Variants in TRAPPC9 observed in about 807,000 individuals in gnomAD.
TRAPPC9 encodes the protein IKK2 binding protein.
Under a neutral mutation model 124.0 loss-of-function variants are expected in TRAPPC9, and 83 were observed. The ratio of observed to expected loss-of-function variants is 0.67; its 90% CI spans 0.56 to 0.80. The LOEUF is 0.80. Ranked by LOEUF, TRAPPC9 falls within the 30% of genes least tolerant of loss-of-function variation. TRAPPC9 has a pLI of 0.00. For missense variants in TRAPPC9, 1,302 were observed against 1,508.3 expected, an observed-to-expected ratio of 0.86 and a Z score of 2.27; for synonymous variants, 638 against 617.5, an observed-to-expected ratio of 1.03 and a Z score of -0.49.
At chr8:140,351,870 G>C (rs541536240) in intron 9 of TRAPPC9, among the ~76,000 whole-genome samples, 24 of 152,146 alleles carry the variant, frequency 1.6e-4, no homozygotes, top group Non-Finnish European at 2.9e-4. Flanking sequence ...TTTTGTAACA[G>C]CTTTGTTGAG....
At chr8:140,359,490 G>T (rs1412105101) in intron 9 of TRAPPC9, among the ~76,000 whole-genome samples, 1 of 152,220 alleles carries the variant, frequency 6.6e-6, no homozygotes, top group Non-Finnish European at 1.5e-5. Flanking sequence ...AACAGGGGCA[G>T]AAACACCGCG....
chr8:140,217,222 C>T (rs537351929), intron 17 of TRAPPC9, among the ~76,000 whole-genome samples: 22 of 152,338 alleles, frequency 1.4e-4, no homozygotes, highest in Admixed American at 1.4e-3. Flanking sequence ...GGGAGAGCGC[C>T]ACATCTGGTC....
chr8:139,786,861 A>G (rs895695710), intron 21 of TRAPPC9, among the ~76,000 whole-genome samples: 7 of 152,152 alleles, frequency 4.6e-5, no homozygotes, highest in African/African-American at 1.7e-4. Flanking sequence ...AGTGACAGAA[A>G]ACGGGTCAGT....
chr8:139,800,609 G>A (rs1823428667), intron 21 of TRAPPC9, among the ~76,000 whole-genome samples: 1 of 152,322 alleles, frequency 6.6e-6, no homozygotes, highest in African/African-American at 2.4e-5. Context: ...GCCCCAGAAG[G>A]CAGGTTTTTC....
At chr8:140,027,916 C>T (rs1840255342) in intron 17 of TRAPPC9, among the ~76,000 whole-genome samples, 1 of 152,190 alleles carries the variant, frequency 6.6e-6, no homozygotes, top group East Asian at 1.9e-4. Context: ...GGACACCACC[C>T]CCATGATCCA....
chr8:139,970,284 C>T (rs989695971), intron 19 of TRAPPC9, among the ~76,000 whole-genome samples: 14 of 152,238 alleles, frequency 9.2e-5, no homozygotes, highest in Admixed American at 2.0e-4. Context: ...CAGCCCTCTG[C>T]TGGGAACTGC....
intron 17 of TRAPPC9, among the ~76,000 whole-genome samples, chr8:140,076,907 T>G (rs1259528748): frequency 1.3e-5 from 2 of 152,212 alleles, no homozygotes; most frequent in African/African-American, 4.8e-5. Context: ...AGTTCACATC[T>G]GTAATCCCAG....
chr8:139,802,258 C>T (rs1402534030), intron 21 of TRAPPC9, among the ~76,000 whole-genome samples: 2 of 152,188 alleles, frequency 1.3e-5, no homozygotes, highest in Admixed American at 6.5e-5. Context: ...CAGGAGAGAC[C>T]AGCAAGAAAA....
chr8:140,106,727 A>G (rs1416285014), intron 17 of TRAPPC9, among the ~76,000 whole-genome samples: 1 of 152,160 alleles, frequency 6.6e-6, no homozygotes, highest in Admixed American at 6.5e-5. Flanking sequence ...TCTTCCCACG[A>G]AAAAAAGAGG....
intron 17 of TRAPPC9, among the ~76,000 whole-genome samples, chr8:140,144,476 ATTCATTC>A (rs1439605119): frequency 6.9e-6 from 1 of 144,734 alleles, no homozygotes; most frequent in Non-Finnish European, 1.6e-5. Context: ...TCATTCATTC[ATTCATTC>A]ATTCATTCAT....
At chr8:140,056,889 G>C (rs1416421223) in intron 17 of TRAPPC9, among the ~76,000 whole-genome samples, 1 of 152,048 alleles carries the variant, frequency 6.6e-6, no homozygotes, top group South Asian at 2.1e-4. Flanking sequence ...TACAAAATGG[G>C]AGAAAATATT....
chr8:139,992,909 AGAAT>A (rs1213607258), intron 18 of TRAPPC9, among the ~76,000 whole-genome samples: 1 of 152,168 alleles, frequency 6.6e-6, no homozygotes, highest in Non-Finnish European at 1.5e-5. Context: ...AATTCCAAAC[AGAAT>A]GAATAGCTAA....
At chr8:140,235,855 A>T (rs181199152) in intron 16 of TRAPPC9, among the ~76,000 whole-genome samples, 10 of 152,350 alleles carry the variant, frequency 6.6e-5, no homozygotes, top group Non-Finnish European at 1.0e-4. Flanking sequence ...GTTCATCACA[A>T]GTATAATGAA....
At chr8:139,772,881 G>A (rs1314348531) in intron 21 of TRAPPC9, among the ~76,000 whole-genome samples, 2 of 152,248 alleles carry the variant, frequency 1.3e-5, no homozygotes, top group African/African-American at 4.8e-5. Context: ...GAAGAAGGCA[G>A]CCGTCTACAG....
chr8:140,135,058 G>A (rs1323881871), intron 17 of TRAPPC9, among the ~76,000 whole-genome samples: 1 of 152,140 alleles, frequency 6.6e-6, no homozygotes, highest in Non-Finnish European at 1.5e-5. Context: ...ATAAGCACAT[G>A]AAAAAATACT....
At chr8:140,046,434 C>T (rs1370017823) in intron 17 of TRAPPC9, among the ~76,000 whole-genome samples, 2 of 152,244 alleles carry the variant, frequency 1.3e-5, no homozygotes, top group South Asian at 2.1e-4. Flanking sequence ...TCCCCACAGC[C>T]GCCGACTCCC....
intron 7 of TRAPPC9, among the ~76,000 whole-genome samples, chr8:140,381,667 C>CAA (rs56659960): frequency 0.27 from 13,085 of 47,776 alleles, 2,925 homozygotes; most frequent in Non-Finnish European, 0.3. Context: ...GACTCTGTCT[C>CAA]AAAAAAAAAA....
chr8:140,062,748 C>T (rs1462383548), intron 17 of TRAPPC9, among the ~76,000 whole-genome samples: 1 of 152,162 alleles, frequency 6.6e-6, no homozygotes, highest in African/African-American at 2.4e-5. Flanking sequence ...CCGGCACGCA[C>T]AGTGGCACCT....
chr8:139,871,106 T>C (rs1406562712), intron 21 of TRAPPC9, among the ~76,000 whole-genome samples: 1 of 152,202 alleles, frequency 6.6e-6, no homozygotes. Flanking sequence ...CTGTGTGACA[T>C]GAGTGAATTT....
Sources: allele counts gnomAD v4.1 joint callset (sites outside exome capture counted in the v4.1 genomes callset), GRCh38; gene constraint gnomAD v4.1.1; transcripts MANE v1.5; gene names NCBI Gene and HGNC (gene_info 2026-07-23, HGNC 2026-07-21).